The following ZNF587B variants were observed in gnomAD, a reference collection of about 807,000 sequenced individuals.
The protein encoded by ZNF587B is zinc finger protein 587B.
A neutral mutation model predicts 7.2 loss-of-function variants in ZNF587B; 6 were observed. That is an observed-to-expected ratio of 0.83 (90% CI 0.46 to 1.65). ZNF587B has a LOEUF of 1.65. Among genes scored for constraint, ZNF587B ranks in the 40% most tolerant of loss-of-function variants. The probability of loss-of-function intolerance (pLI) is 0.01; values close to 1 mark genes in which losing one functional copy is unlikely to be tolerated. For missense variants in ZNF587B, 749 were observed against 761.0 expected, an observed-to-expected ratio of 0.98 and a Z score of 0.19; for synonymous variants, 274 against 254.3, an observed-to-expected ratio of 1.08 and a Z score of -0.74.
chr19:57,840,835 C>G lies in ZNF587B; in HGVS notation c.164-3C>G. On this transcript the variant is annotated splice_region_variant and splice_polypyrimidine_tract_variant and intron_variant, in intron 2 of 2. Coordinates refer to ENST00000594901, the MANE Select transcript of ZNF587B (RefSeq NM_001376223.1). ...CACTTCACCAGCATTTTCTTGCTTT[C>G]AGGTTGTTGGTGTGGAGTGGAAGAT... The G allele has an allele frequency of 9.7e-6, 15 of 1,545,680 alleles. No homozygotes were observed. Among genetic ancestry groups the G allele is most frequent in the Non-Finnish European group, 1.3e-5 (15 of 1,151,262 alleles).
intron 2 of ZNF587B, 60 bp downstream of exon 2, chr19:57,839,209 C>G (rs1280708238): frequency 8.1e-6 from 13 of 1,599,266 alleles, no homozygotes; most frequent in Non-Finnish European, 1.0e-5. Context: ...CTGTCTTTCC[C>G]CATTGGCAAG....
Position 57,830,427 on chromosome 19 carries a change from G to T in ZNF587B, c.-102G>T. ...GGCGACTCTGGAGCTCTGTGACGGC[G>T]CCAAGCGTGACCCACCCCTGGGCCA... On this transcript the variant is annotated 5_prime_UTR_variant, in exon 1 of 3. Transcript: ENST00000594901. 1 of 1,311,874 alleles carries T rather than the reference G, an allele frequency of 7.6e-7. No individual in the cohort carries two copies. The highest frequency in any genetic ancestry group is 1.1e-6 in the Non-Finnish European group (1 of 944,024). 81.3% of individuals were successfully genotyped at this position (1,311,874 alleles called of 1,614,324 possible).
At chr19:57,834,615 A>T (rs1330174216) in intron 1 of ZNF587B, among the ~76,000 whole-genome samples, 1 of 98,922 alleles carries the variant, frequency 1.0e-5, no homozygotes, top group Non-Finnish European at 2.1e-5. Context: ...AGGCGGATCA[A>T]CTGAAGTCAG....
rs1988874856 is a variant in ZNF587B, at chr19:57,841,914, G to C, written c.1240G>C (p.Asp414His). The C allele has an allele frequency of 3.7e-6, 6 of 1,613,844 alleles. No individual in the cohort carries two copies. Among genetic ancestry groups the C allele is most frequent in the Non-Finnish European group, 4.2e-6 (5 of 1,179,914 alleles). ...TGGAGAAAGACCTTACAAGTGTGGAGACTGTGGGAAATCTTTTAATGAAAA... is the reference window on the plus strand; with the variant it reads ...TGGAGAAAGACCTTACAAGTGTGGACACTGTGGGAAATCTTTTAATGAAAA... ...HTGERPYKCG[D>H]CGKSFNEKGH... is the part of the protein sequence containing the mutation. Residue 414 changes from aspartate (D) to histidine (H), a missense_variant, in exon 3 of 3, where the codon GAC (aspartate) becomes CAC (histidine). This residue lies in a region of ZNF587B where 656 missense variants were observed against 596.5 expected (regional missense o/e 1.10). Transcript: ENST00000594901.
rs1167084183 is a variant in ZNF587B at position 57,840,426 on chromosome 19, A to AG, written c.164-411dup. Among the ~76,000 whole-genome samples the AG allele has an allele frequency of 1.5e-4, 23 of 152,268 alleles. No homozygotes were observed. The East Asian group carries it at 4.3e-3, about 28-fold the overall frequency. On this transcript the variant is annotated intron_variant, in intron 2 of 2. Coordinates refer to ENST00000594901, the MANE Select transcript of ZNF587B (RefSeq NM_001376223.1). ...TGCGTGTTCTCCAGTATTTGCATAGAGATTTGTGTTAGCAAGTATATACGC... is the reference window on the plus strand; with the variant it reads ...TGCGTGTTCTCCAGTATTTGCATAGAGGATTTGTGTTAGCAAGTATATACGC...
chr19:57,832,095 G>T (rs1410297243), intron 1 of ZNF587B, among the ~76,000 whole-genome samples: 1 of 148,282 alleles, frequency 6.7e-6, no homozygotes, highest in Non-Finnish European at 1.5e-5. Flanking sequence ...TTTTCTTTTT[G>T]TTTTTTTTTG....
chr19:57,838,683 A>T (rs535584672), intron 1 of ZNF587B, among the ~76,000 whole-genome samples: 1 of 152,300 alleles, frequency 6.6e-6, no homozygotes, highest in East Asian at 1.9e-4. Flanking sequence ...TCAGCTGGGG[A>T]TGGACATGGA....
At position 57,843,607 on chromosome 19, in the gene ZNF587B, T is replaced by TG. The variant is rs1287525012; in HGVS notation, c.*1031_*1032insG. On this transcript the variant is annotated 3_prime_UTR_variant, in exon 3 of 3. Coordinates refer to ENST00000594901, the MANE Select transcript of ZNF587B (RefSeq NM_001376223.1). The stretch of plus-strand genomic sequence containing the variant: ...GGTTGGTTGTTTTTTTTTGTTTTTT[T>TG]TTTTTTTTTTTTTGGAGACAAAGTT... 37 of 909,528 alleles carry TG rather than the reference T, an allele frequency of 4.1e-5. No individual in the cohort carries two copies. Among genetic ancestry groups the TG allele is most frequent in the Admixed American group, 6.8e-5 (1 of 14,770 alleles). 56.3% of individuals were successfully genotyped at this position (909,528 alleles called of 1,614,324 possible). A position where few individuals can be genotyped will look rare whatever the true frequency, so the allele number is the denominator to read the frequency against.
chr19:57,841,105 G>T lies in ZNF587B; in HGVS notation c.431G>T (p.Gly144Val), dbSNP rs751896744. The change falls in exon 3 of 3, where the codon GGA becomes GTA. Residue 144 changes from glycine (G) to valine (V), a missense_variant. Gly to Val is a moderately radical substitution (Grantham distance 109). This residue lies in a region of ZNF587B where 656 missense variants were observed against 596.5 expected (regional missense o/e 1.10). Transcript: ENST00000594901. ...CATCAGCACCAGAATGAGCACATTGGAGAGAAACCCTACAGAGGGAGTGTT... is the reference window on the plus strand; with the variant it reads ...CATCAGCACCAGAATGAGCACATTGTAGAGAAACCCTACAGAGGGAGTGTT... Reference protein sequence around the residue: ...NFHQHQNEHIGEKPYRGSVEE... With the variant: ...NFHQHQNEHIVEKPYRGSVEE... 4.3e-6 allele frequency: 7 copies of T among 1,614,112 alleles called. No individual in the cohort carries two copies. In the Admixed American group the frequency reaches 1.2e-4, roughly 27 times the overall value.
At position 57,830,398 on chromosome 19, in the gene ZNF587B, C is replaced by A; in HGVS notation, c.-131C>A. The A allele has an allele frequency of 1.0e-6, 1 of 964,122 alleles. No homozygotes were observed. Among genetic ancestry groups the A allele is most frequent in the Non-Finnish European group, 1.6e-6 (1 of 640,436 alleles). The allele number at this position is 964,122 out of a possible 1,614,324, so 59.7% of individuals were successfully genotyped here. A position where few individuals can be genotyped will look rare whatever the true frequency, so the allele number is the denominator to read the frequency against. ...CGGAGAACAGTTGTCCTCTGCTGCACAGAGGCGACTCTGGAGCTCTGTGAC... is the reference window on the plus strand; with the variant it reads ...CGGAGAACAGTTGTCCTCTGCTGCAAAGAGGCGACTCTGGAGCTCTGTGAC... On this transcript the variant is annotated 5_prime_UTR_variant, in exon 1 of 3. Transcript: ENST00000594901.
At position 57,840,880 on chromosome 19, in the gene ZNF587B, A is replaced by C; in HGVS notation, c.206A>C (p.Gln69Pro). The change falls in exon 3 of 3, where the codon CAG (glutamine) becomes CCG (proline). Residue 69 changes from glutamine (Q) to proline (P), a missense_variant. Transcript: ENST00000594901. ...GVEDEAAPSKQSIYIQRETQV... is the reference protein window; with the variant it reads ...GVEDEAAPSKPSIYIQRETQV... Reference sequence around the variant, plus strand: ...GAAGATGAGGCGGCACCTTCTAAGCAGAGTATTTATATACAAAGAGAGACT... The same window carrying C: ...GAAGATGAGGCGGCACCTTCTAAGCCGAGTATTTATATACAAAGAGAGACT... 6.5e-7 allele frequency: 1 copy of C among 1,548,570 alleles called. No individual in the cohort carries two copies. Among genetic ancestry groups the C allele is most frequent in the Non-Finnish European group, 8.7e-7 (1 of 1,149,990 alleles).
intron 1 of ZNF587B, 64 bp from the exon 2 acceptor site, chr19:57,838,959 G>C (rs141285358): frequency 9.6e-6 from 15 of 1,558,526 alleles, no homozygotes; most frequent in Middle Eastern, 1.7e-4. Flanking sequence ...ATGTGTGGGA[G>C]AGATGGATTG....
At chr19:57,839,215 G>C in intron 2 of ZNF587B, 66 bp downstream of exon 2, 1 of 1,595,022 alleles carries the variant, frequency 6.3e-7, no homozygotes, top group East Asian at 2.2e-5. Context: ...TTCCCCATTG[G>C]CAAGACTTTC....
rs1027666465 is a variant in ZNF587B at position 57,844,210 on chromosome 19, G to T, written c.*1634G>T. ...ACTCTTGTGCTGACTTGAAAAGATG[G>T]ACTATTTTGGCTAAGCATGGTGGCT... On this transcript the variant is annotated 3_prime_UTR_variant, in exon 3 of 3. Transcript: ENST00000594901. 1 of 436,496 alleles carries T rather than the reference G, an allele frequency of 2.3e-6. No homozygotes were observed. Among genetic ancestry groups the T allele is most frequent in the South Asian group, 1.6e-5 (1 of 62,694 alleles). The allele number at this position is 436,496 out of a possible 1,614,324, so 27.0% of individuals were successfully genotyped here. A position where few individuals can be genotyped will look rare whatever the true frequency, so the allele number is the denominator to read the frequency against.
Position 57,844,705 on chromosome 19 carries a change from T to G in ZNF587B, c.*2129T>G, listed in dbSNP as rs1989006798. 6.6e-6 allele frequency: 1 copy of G among 152,482 alleles called. No individual in the cohort carries two copies. Among genetic ancestry groups the G allele is most frequent in the Non-Finnish European group, 1.5e-5 (1 of 68,248 alleles). The allele number at this position is 152,482 out of a possible 1,614,324, so 9.4% of individuals were successfully genotyped here. A position where few individuals can be genotyped will look rare whatever the true frequency, so the allele number is the denominator to read the frequency against. On this transcript the variant is annotated 3_prime_UTR_variant, in exon 3 of 3. Coordinates refer to ENST00000594901, the MANE Select transcript of ZNF587B (RefSeq NM_001376223.1). ...TTTTTATAACAACCTCTGGTGGGTT[T>G]TTTATTTTAGTGTCAATATCACACT...
chr19:57,830,769 C>T (rs1450693130), intron 1 of ZNF587B, among the ~76,000 whole-genome samples: 2 of 151,520 alleles, frequency 1.3e-5, no homozygotes, highest in Admixed American at 1.3e-4. Context: ...AGAGAAAACG[C>T]CACACTTTGA....
intron 1 of ZNF587B, among the ~76,000 whole-genome samples, chr19:57,832,125 C>T (rs1404433213): frequency 1.3e-5 from 2 of 152,058 alleles, no homozygotes; most frequent in East Asian, 1.9e-4. Flanking sequence ...CTCGCTCTAT[C>T]GCCCAGACTG....
rs756978884 is a variant in ZNF587B at position 57,845,040 on chromosome 19, C to T, written c.*2464C>T. ...CACCCAGGCTAGAGTGCTGTTGCAC[C>T]ATCTCGGCTCACTGCAACCTGTGCC... is the stretch of plus-strand genomic sequence containing the variant. On this transcript the variant is annotated 3_prime_UTR_variant, in exon 3 of 3. Transcript: ENST00000594901. 22 of 151,728 alleles carry T rather than the reference C, an allele frequency of 1.4e-4. No homozygotes were observed. Among genetic ancestry groups the T allele is most frequent in the Non-Finnish European group, 2.5e-4 (17 of 67,968 alleles). 9.4% of individuals were successfully genotyped at this position (151,728 alleles called of 1,614,324 possible). A position where few individuals can be genotyped will look rare whatever the true frequency, so the allele number is the denominator to read the frequency against.
Position 57,843,416 on chromosome 19 carries a change from C to T in ZNF587B, c.*840C>T. ...TACTATGCCCTGTTATCTTGCTAGA[C>T]TTATGTGACTGCCACTTATCTGGCA... is the stretch of plus-strand genomic sequence containing the variant. On this transcript the variant is annotated 3_prime_UTR_variant, in exon 3 of 3. Coordinates refer to ENST00000594901, the MANE Select transcript of ZNF587B (RefSeq NM_001376223.1). 1 of 985,378 alleles carries T rather than the reference C, an allele frequency of 1.0e-6. No homozygotes were observed. The highest frequency in any genetic ancestry group is 1.2e-6 in the Non-Finnish European group (1 of 829,926). 61.0% of individuals were successfully genotyped at this position (985,378 alleles called of 1,614,324 possible).
Sources: allele counts gnomAD v4.1 joint callset (sites outside exome capture counted in the v4.1 genomes callset), GRCh38; gene constraint gnomAD v4.1.1; regional missense constraint gnomAD v4.1.1; transcripts MANE v1.5; gene names NCBI Gene and HGNC (gene_info 2026-07-23, HGNC 2026-07-21).